ANK1: variants seen among roughly 807,000 people sequenced by gnomAD.
The protein encoded by ANK1 is ankyrin 1, also known as ankyrin-1.
A neutral mutation model predicts 210.4 loss-of-function variants in ANK1; 51 were observed. That is an observed-to-expected ratio of 0.24 (90% CI 0.19 to 0.31). The LOEUF (loss-of-function observed/expected upper bound fraction) is 0.31. ANK1 is among the 10% of genes least tolerant of loss of function. The pLI is 1.00. For missense variants in ANK1, 2,051 were observed against 2,504.4 expected, an observed-to-expected ratio of 0.82 and a Z score of 3.86; for synonymous variants, 967 against 1,025.9, an observed-to-expected ratio of 0.94 and a Z score of 1.10.
chr8:41,684,768 G>A, intron 36 of ANK1, 78 bp from the exon 37 acceptor site: 2 of 1,533,386 alleles, frequency 1.3e-6, no homozygotes, highest in Non-Finnish European at 1.8e-6. Flanking sequence ...ATGGGGCCAG[G>A]ATGAAGATGG....
chr8:41,822,484 T>A (rs907969217), intron 1 of ANK1, among the ~76,000 whole-genome samples: 3 of 152,242 alleles, frequency 2.0e-5, no homozygotes, highest in African/African-American at 7.2e-5. Context: ...ATACGCATAT[T>A]AACATATTTT....
At position 41,698,140 on chromosome 8, in the gene ANK1, A is replaced by G; in HGVS notation, c.2559-19T>C. ...TTCCACCCTGCGTGCCAAGAACACCAGAACATCACAGGGCTGATCCACATG... is the reference window on the plus strand; with the variant it reads ...TTCCACCCTGCGTGCCAAGAACACCGGAACATCACAGGGCTGATCCACATG... On this transcript the variant is annotated intron_variant, in intron 23 of 42. Transcript: ENST00000289734. The G allele has an allele frequency of 6.2e-7, 1 of 1,612,948 alleles. No individual in the cohort carries two copies. The highest frequency in any genetic ancestry group is 8.5e-7 in the Non-Finnish European group (1 of 1,179,092).
chr8:41,683,910 T>C (rs1280982803), intron 37 of ANK1, among the ~76,000 whole-genome samples: 1 of 151,964 alleles, frequency 6.6e-6, no homozygotes, highest in Non-Finnish European at 1.5e-5. Context: ...TCACGGGGGA[T>C]CCCTGCCATG....
At chr8:41,714,471 G>C (rs1223055626) in intron 15 of ANK1, among the ~76,000 whole-genome samples, 1 of 152,156 alleles carries the variant, frequency 6.6e-6, no homozygotes, top group African/African-American at 2.4e-5. Context: ...CAATACACTT[G>C]CCCGGAGAAG....
intron 31 of ANK1, 31 bp downstream of exon 31, chr8:41,692,615 TCC>T (rs1162554627): frequency 6.3e-7 from 1 of 1,593,482 alleles, no homozygotes; most frequent in East Asian, 2.2e-5. Context: ...GGACGGTTTG[TCC>T]CAGAGGCGGT....
intron 1 of ANK1, among the ~76,000 whole-genome samples, chr8:41,815,280 CT>C (rs1032387323): frequency 1.3e-5 from 2 of 151,768 alleles, no homozygotes; most frequent in Non-Finnish European, 2.9e-5. Context: ...ACAGAATCCT[CT>C]TTTTTTTAAG....
At chr8:41,782,964 C>A (rs1845640738) in intron 1 of ANK1, among the ~76,000 whole-genome samples, 2 of 152,214 alleles carry the variant, frequency 1.3e-5, no homozygotes, top group Admixed American at 1.3e-4. Context: ...CTCCTTTGCT[C>A]ATCCCAAATC....
intron 42 of ANK1, 96 bp from the exon 43 acceptor site, chr8:41,655,849 C>T: frequency 7.2e-7 from 1 of 1,383,658 alleles, no homozygotes; most frequent in East Asian, 2.3e-5. Flanking sequence ...GCAGCTCAGG[C>T]CGAATCTGAC....
At chr8:41,681,549 C>A (rs1816030540) in intron 37 of ANK1, among the ~76,000 whole-genome samples, 1 of 152,240 alleles carries the variant, frequency 6.6e-6, no homozygotes, top group African/African-American at 2.4e-5. Context: ...GCTCACAGAG[C>A]TGCCTATCAC....
chr8:41,852,441 C>T (rs1202170911), intron 1 of ANK1, among the ~76,000 whole-genome samples: 1 of 152,196 alleles, frequency 6.6e-6, no homozygotes, highest in African/African-American at 2.4e-5. Context: ...ACCCGGGCAC[C>T]TCCTACGCTG....
intron 1 of ANK1, among the ~76,000 whole-genome samples, chr8:41,803,085 G>GAAGGGAAGGAAAGGAAAGGAAAGGA (rs1172839402): frequency 2.3e-4 from 14 of 60,032 alleles, no homozygotes; most frequent in African/African-American, 4.7e-4. Context: ...GGAAGGAAGG[G>GAAGGGAAGGAAAGGAAAGGAAAGGA]AAGGAAAGGA....
intron 1 of ANK1, among the ~76,000 whole-genome samples, chr8:41,805,064 C>CTCTG (rs1850718459): frequency 6.8e-6 from 1 of 147,968 alleles, no homozygotes; most frequent in Non-Finnish European, 1.5e-5. Flanking sequence ...TTCTTTCTCT[C>CTCTG]TGTGTGTGTG....
intron 1 of ANK1, among the ~76,000 whole-genome samples, chr8:41,770,274 C>T (rs888786516): frequency 1.1e-4 from 17 of 152,172 alleles, no homozygotes; most frequent in African/African-American, 2.7e-4. Context: ...TGAGCCACTG[C>T]GCCCAGCTTA....
intron 1 of ANK1, among the ~76,000 whole-genome samples, chr8:41,848,215 T>TAAAA (rs1032230935): frequency 3.3e-5 from 5 of 151,502 alleles, no homozygotes; most frequent in Admixed American, 1.3e-4. Flanking sequence ...AATAAATAAA[T>TAAAA]AAATAAATAA....
chr8:41,720,524 A>G (rs1332081672), intron 9 of ANK1, among the ~76,000 whole-genome samples: 1 of 152,182 alleles, frequency 6.6e-6, no homozygotes, highest in South Asian at 2.1e-4. Context: ...CATTAATTCA[A>G]CACATATCTA....
At chr8:41,871,455 G>A (rs1189751760) in intron 1 of ANK1, among the ~76,000 whole-genome samples, 3 of 152,188 alleles carry the variant, frequency 2.0e-5, no homozygotes, top group Non-Finnish European at 2.9e-5. Flanking sequence ...TTGCAGATGT[G>A]AGCCACCACG....
intron 1 of ANK1, among the ~76,000 whole-genome samples, chr8:41,820,816 C>T (rs1162536082): frequency 6.6e-6 from 1 of 152,100 alleles, no homozygotes; most frequent in East Asian, 1.9e-4. Flanking sequence ...GATGAAGGGT[C>T]ACATTATTAA....
intron 2 of ANK1, among the ~76,000 whole-genome samples, chr8:41,736,242 C>A (rs1043168663): frequency 6.6e-6 from 1 of 152,210 alleles, no homozygotes; most frequent in Non-Finnish European, 1.5e-5. Context: ...CCTTGATTTG[C>A]AAGACAAATT....
chr8:41,771,034 C>T (rs556037047), intron 1 of ANK1, among the ~76,000 whole-genome samples: 21 of 152,126 alleles, frequency 1.4e-4, no homozygotes, highest in East Asian at 5.8e-4. Context: ...GGCACAGTGC[C>T]GGGCAGTGCT....
Sources: allele counts gnomAD v4.1 joint callset (sites outside exome capture counted in the v4.1 genomes callset), GRCh38; gene constraint gnomAD v4.1.1; transcripts MANE v1.5; gene names NCBI Gene and HGNC (gene_info 2026-07-23, HGNC 2026-07-21).